The following GSK3B variants were observed in gnomAD, a reference collection of about 807,000 sequenced individuals.
The protein encoded by GSK3B is glycogen synthase kinase-3 beta.
Under a neutral mutation model 56.4 loss-of-function variants are expected in GSK3B, and 15 were observed. That is an observed-to-expected ratio of 0.27 (90% confidence interval 0.18 to 0.41). GSK3B has a LOEUF of 0.41. Ranked by LOEUF, GSK3B falls within the 10% of genes least tolerant of loss-of-function variation. The probability of loss-of-function intolerance (pLI) is 1.00; values close to 1 mark genes in which losing one functional copy is unlikely to be tolerated. For synonymous variants in GSK3B, 181 were observed against 188.9 expected (o/e 0.96, Z 0.34); for missense variants, 300 against 513.4 (o/e 0.58, Z 4.02).
chr3:119,862,089 CT>C (rs562186811), intron 9 of GSK3B, among the ~76,000 whole-genome samples: 317 of 135,442 alleles, frequency 2.3e-3, no homozygotes, highest in Middle Eastern at 7.1e-3. Context: ...TAAAAGTCTT[CT>C]TTTTTTTTTT....
chr3:119,952,478 ACT>A (rs1218031287), intron 2 of GSK3B, among the ~76,000 whole-genome samples: 14 of 136,666 alleles, frequency 1.0e-4, no homozygotes, highest in Non-Finnish European at 1.5e-4. Context: ...ACAGAGAGAG[ACT>A]CTGTCTCAAA....
intron 8 of GSK3B, among the ~76,000 whole-genome samples, chr3:119,869,625 T>C (rs2056227991): frequency 6.6e-6 from 1 of 152,232 alleles, no homozygotes; most frequent in Non-Finnish European, 1.5e-5. Flanking sequence ...AGTTCTACTA[T>C]AGGTAAGAAA....
At chr3:120,034,542 G>A (rs539375968) in intron 1 of GSK3B, among the ~76,000 whole-genome samples, 3 of 152,242 alleles carry the variant, frequency 2.0e-5, no homozygotes, top group African/African-American at 7.2e-5. Flanking sequence ...CATAAAGGTA[G>A]GGGCTTATTT....
At chr3:119,862,667 G>GTTTTTTTTTT (rs79778347) in intron 9 of GSK3B, among the ~76,000 whole-genome samples, 3 of 110,386 alleles carry the variant, frequency 2.7e-5, no homozygotes, top group Non-Finnish European at 3.7e-5. Context: ...ACTATTTCTT[G>GTTTTTTTTTT]TTTTTTTTTT....
rs1652801186 is a variant in GSK3B at position 119,821,403 on chromosome 3, AG to A, written c.*5384del. 1 of 152,252 alleles carries A rather than the reference AG, an allele frequency of 6.6e-6. No homozygotes were observed. Among genetic ancestry groups the A allele is most frequent in the Non-Finnish European group, 1.5e-5 (1 of 68,040 alleles). 9.4% of individuals were successfully genotyped at this position (152,252 alleles called of 1,614,324 possible). A position where few individuals can be genotyped will look rare whatever the true frequency, so the allele number is the denominator to read the frequency against. ...TAGATTAGGCCTGACAGAGTGAGCCAGCCCTAAAAAAATGATGTTTCTTTTT... is the reference window on the plus strand; with the variant it reads ...TAGATTAGGCCTGACAGAGTGAGCCACCCTAAAAAAATGATGTTTCTTTTT... On this transcript the variant is annotated 3_prime_UTR_variant, in exon 11 of 11. Coordinates refer to ENST00000264235, the MANE Select transcript of GSK3B (RefSeq NM_001146156.2).
intron 1 of GSK3B, among the ~76,000 whole-genome samples, chr3:120,018,228 G>C (rs1559878295): frequency 6.6e-6 from 1 of 152,144 alleles, no homozygotes; most frequent in Non-Finnish European, 1.5e-5. Context: ...AATTGCTCAA[G>C]GTTATATACA....
chr3:120,085,105 A>G (rs937678533), intron 1 of GSK3B, among the ~76,000 whole-genome samples: 1 of 152,240 alleles, frequency 6.6e-6, no homozygotes, highest in African/African-American at 2.4e-5. Context: ...GAATATCTTT[A>G]AAATTTTGAA....
At chr3:119,989,194 C>T (rs1319007370) in intron 2 of GSK3B, among the ~76,000 whole-genome samples, 1 of 152,156 alleles carries the variant, frequency 6.6e-6, no homozygotes, top group Non-Finnish European at 1.5e-5. Flanking sequence ...GAATCCTTCA[C>T]CCCCATGTCT....
chr3:119,844,240 T>C, intron 9 of GSK3B, among the ~76,000 whole-genome samples: 1 of 151,840 alleles, frequency 6.6e-6, no homozygotes, highest in East Asian at 1.9e-4. Flanking sequence ...GATGTAAAAT[T>C]GACACCCTAA....
chr3:120,091,689 G>A lies in GSK3B; in HGVS notation c.88+1658C>T, dbSNP rs529027608. On this transcript the variant is annotated intron_variant, in intron 1 of 10. Coordinates refer to ENST00000264235, the MANE Select transcript of GSK3B (RefSeq NM_001146156.2). ...TTATAAGATTTGTATCATCATAGCT[G>A]AAAATTACCCCGGAATTTTAAAATA... 7.4e-4 allele frequency among the ~76,000 whole-genome samples: 113 copies of A among 152,168 alleles called. 2 individuals carry two copies. The South Asian group carries it at 0.023, about 31-fold the overall frequency.
At chr3:119,978,549 C>G (rs1035452888) in intron 2 of GSK3B, among the ~76,000 whole-genome samples, 3 of 152,176 alleles carry the variant, frequency 2.0e-5, no homozygotes, top group Non-Finnish European at 4.4e-5. Flanking sequence ...GGCAGAGGCT[C>G]TCTTGCAACC....
At chr3:119,831,935 G>A (rs891630447) in intron 10 of GSK3B, among the ~76,000 whole-genome samples, 1 of 152,164 alleles carries the variant, frequency 6.6e-6, no homozygotes, top group African/African-American at 2.4e-5. Context: ...GGAAGGAAAG[G>A]AAGGTACAAA....
chr3:120,025,036 G>C (rs1576279339), intron 1 of GSK3B, among the ~76,000 whole-genome samples: 1 of 152,276 alleles, frequency 6.6e-6, no homozygotes, highest in Middle Eastern at 3.4e-3. Context: ...TGTGTCAGGA[G>C]ATGGGGAGTG....
At chr3:119,947,441 T>C (rs780595951) in intron 2 of GSK3B, 90 bp from the exon 3 acceptor site, 2 of 819,436 alleles carry the variant, frequency 2.4e-6, no homozygotes, top group Non-Finnish European at 4.1e-6. Context: ...CATTAAGCAC[T>C]AAAATTAGCA....
At chr3:120,065,716 A>G (rs1219300565) in intron 1 of GSK3B, among the ~76,000 whole-genome samples, 1 of 152,232 alleles carries the variant, frequency 6.6e-6, no homozygotes, top group Non-Finnish European at 1.5e-5. Flanking sequence ...GAAAATGTCC[A>G]TCAACTGAAT....
chr3:119,966,356 C>G (rs529081446), intron 2 of GSK3B, among the ~76,000 whole-genome samples: 1 of 152,162 alleles, frequency 6.6e-6, no homozygotes, highest in East Asian at 1.9e-4. Context: ...ATTAAAGAAG[C>G]TATTTATGTG....
chr3:120,039,948 G>A (rs1454071599), intron 1 of GSK3B, among the ~76,000 whole-genome samples: 1 of 152,210 alleles, frequency 6.6e-6, no homozygotes, highest in African/African-American at 2.4e-5. Flanking sequence ...GTGAAGAGGT[G>A]CGCCCCACTG....
intron 1 of GSK3B, among the ~76,000 whole-genome samples, chr3:120,025,621 T>C (rs2057916269): frequency 6.6e-6 from 1 of 152,166 alleles, no homozygotes; most frequent in Admixed American, 6.5e-5. Context: ...GAGCACTATA[T>C]CTGCAGGACA....
At chr3:119,860,049 A>T (rs1245238614) in intron 9 of GSK3B, among the ~76,000 whole-genome samples, 1 of 152,246 alleles carries the variant, frequency 6.6e-6, no homozygotes, top group East Asian at 1.9e-4. Flanking sequence ...CAGGAGGACA[A>T]TGTTTACTAA....
Sources: gnomAD v4.1 joint callset for allele counts (sites outside exome capture counted in the v4.1 genomes callset) on GRCh38, gnomAD v4.1.1 for gene constraint, MANE v1.5 for transcripts, NCBI Gene and HGNC (gene_info 2026-07-23, HGNC 2026-07-21) for gene names.